Variants in RIPOR3 observed in about 807,000 individuals in gnomAD.
RIPOR3 encodes RIPOR family member 3.
Under a neutral mutation model 114.3 loss-of-function variants are expected in RIPOR3, and 95 were observed. The ratio of observed to expected loss-of-function variants is 0.83; its 90% confidence interval spans 0.70 to 0.99. The LOEUF (loss-of-function observed/expected upper bound fraction) is 0.99, where lower values mean the gene tolerates loss of function less well. Ranked by LOEUF, RIPOR3 falls within the 50% of genes least tolerant of loss-of-function variation. RIPOR3 has a pLI of 0.00. For missense variants in RIPOR3, 1,252 were observed against 1,266.9 expected, an observed-to-expected ratio of 0.99 and a Z score of 0.18; for synonymous variants, 575 against 543.8, an observed-to-expected ratio of 1.06 and a Z score of -0.80.
chr20:50,615,330 C>G (rs1333872157), intron 4 of RIPOR3, among the ~76,000 whole-genome samples: 2 of 151,684 alleles, frequency 1.3e-5, no homozygotes, highest in Non-Finnish European at 1.5e-5. Context: ...TCAAGACCAG[C>G]CTAGGCAACA....
intron 2 of RIPOR3, among the ~76,000 whole-genome samples, chr20:50,623,397 T>A (rs1454230359): frequency 2.0e-5 from 3 of 151,922 alleles, no homozygotes; most frequent in African/African-American, 7.3e-5. Flanking sequence ...CAGAGCGGGA[T>A]AGCGAGTGCA....
chr20:50,587,443 G>T, intron 21 of RIPOR3, 111 bp from the exon 22 acceptor site: 1 of 880,544 alleles, frequency 1.1e-6, no homozygotes, highest in Non-Finnish European at 1.8e-6. Context: ...AGTGGTCTCT[G>T]CAAAGCGGCA....
intron 1 of RIPOR3, among the ~76,000 whole-genome samples, chr20:50,643,930 G>A (rs2085296093): frequency 6.6e-6 from 1 of 151,920 alleles, no homozygotes; most frequent in East Asian, 1.9e-4. Context: ...AGCCAGGATG[G>A]TCTCGATCTC....
At chr20:50,675,442 G>A (rs562977418) in intron 1 of RIPOR3, among the ~76,000 whole-genome samples, 33 of 152,340 alleles carry the variant, frequency 2.2e-4, no homozygotes, top group African/African-American at 6.5e-4. Context: ...ATGTTACAGA[G>A]AGAGTGATCA....
At chr20:50,672,711 T>G (rs1226219240) in intron 1 of RIPOR3, among the ~76,000 whole-genome samples, 1 of 152,174 alleles carries the variant, frequency 6.6e-6, no homozygotes, top group Non-Finnish European at 1.5e-5. Flanking sequence ...GTCAGGAGAA[T>G]GGACTTTCCA....
chr20:50,594,642 A>G lies in RIPOR3; in HGVS notation c.2123T>C (p.Leu708Pro). The G allele has an allele frequency of 1.2e-6, 2 of 1,613,768 alleles. No homozygotes were observed. The highest frequency in any genetic ancestry group is 1.7e-6 in the Non-Finnish European group (2 of 1,179,956). The change falls in exon 17 of 22, where the codon CTG (leucine) becomes CCG (proline). Residue 708 changes from leucine (L) to proline (P), a missense_variant. Coordinates refer to ENST00000327979, the MANE Select transcript of RIPOR3 (RefSeq NM_001290268.2). ...WRGCTGPGRVLSCPATTLLNQ... is the reference protein window; with the variant it reads ...WRGCTGPGRVPSCPATTLLNQ... The stretch of plus-strand genomic sequence containing the variant: ...CAGCAGCGTCGTGGCAGGGCAGGAC[A>G]GGACCCTGCCAGGCCCTGTGCACCC...
chr20:50,599,205 A>T (rs2083408382), intron 13 of RIPOR3, among the ~76,000 whole-genome samples: 1 of 152,156 alleles, frequency 6.6e-6, no homozygotes, highest in African/African-American at 2.4e-5. Flanking sequence ...CAGCCTAGCC[A>T]ACATAGTGAA....
chr20:50,669,601 C>A (rs2086388932), intron 1 of RIPOR3, among the ~76,000 whole-genome samples: 1 of 152,124 alleles, frequency 6.6e-6, no homozygotes, highest in East Asian at 1.9e-4. Flanking sequence ...CCTCTGGGGG[C>A]TTGGGAGGAA....
rs1438262282 is a variant in RIPOR3, at chr20:50,604,756, GCT to G, written c.973_974del (p.Ser325LeufsTer64). The G allele has an allele frequency of 6.2e-7, 1 of 1,608,192 alleles. No homozygotes were observed. The highest frequency in any genetic ancestry group is 8.5e-7 in the Non-Finnish European group (1 of 1,177,956). On this transcript the variant is annotated frameshift_variant, in exon 12 of 22. Coordinates refer to ENST00000327979, the MANE Select transcript of RIPOR3 (RefSeq NM_001290268.2). LOFTEE classifies it high-confidence loss of function. The part of the protein sequence containing the change: ...EVQWNPFDTE[S>X]FLVSPSPTGK... Reference sequence around the variant, plus strand: ...CCGTGGGGCTGGGTGACACCAGGAAGCTCTCAGTATCAAACGGGCTGGAGGAG... The same window carrying G: ...CCGTGGGGCTGGGTGACACCAGGAAGCTCAGTATCAAACGGGCTGGAGGAG...
Position 50,606,021 on chromosome 20 carries a change from T to A in RIPOR3, c.957-1247A>T, listed in dbSNP as rs184996888. ...GAGTTCGAGACCAGCCTGGCCAACA[T>A]GGCGAAACCCCATCTCTCCTAAAAA... On this transcript the variant is annotated intron_variant, in intron 11 of 21. Coordinates refer to ENST00000327979, the MANE Select transcript of RIPOR3 (RefSeq NM_001290268.2). 3.9e-5 allele frequency among the ~76,000 whole-genome samples: 6 copies of A among 152,246 alleles called. No individual in the cohort carries two copies. The East Asian group carries it at 1.2e-3, about 29-fold the overall frequency.
chr20:50,650,449 T>A (rs750919095), intron 1 of RIPOR3, among the ~76,000 whole-genome samples: 1 of 151,998 alleles, frequency 6.6e-6, no homozygotes, highest in Non-Finnish European at 1.5e-5. Flanking sequence ...ACCACAGGTG[T>A]GCACCACCAC....
At chr20:50,588,002 G>T (rs537946504) in intron 20 of RIPOR3, 110 bp from the exon 21 acceptor site, 32 of 982,378 alleles carry the variant, frequency 3.3e-5, no homozygotes, top group Non-Finnish European at 4.6e-5. Flanking sequence ...TGGGGCCTCA[G>T]CCCCTTCCTT....
chr20:50,652,590 C>CAAAA (rs11470456), intron 1 of RIPOR3, among the ~76,000 whole-genome samples: 493 of 86,720 alleles, frequency 5.7e-3, no homozygotes, highest in Non-Finnish European at 8.9e-3. Flanking sequence ...GATTCTGTCT[C>CAAAA]AAAAAAAAAA....
At chr20:50,681,224 C>CAAAAA (rs752151661) in intron 1 of RIPOR3, among the ~76,000 whole-genome samples, 8 of 47,470 alleles carry the variant, frequency 1.7e-4, no homozygotes, top group South Asian at 1.2e-3. Context: ...AACTCTGTCT[C>CAAAAA]AAAAAAAAAA....
At chr20:50,615,533 A>AAT (rs1568864863) in intron 4 of RIPOR3, among the ~76,000 whole-genome samples, 5 of 151,240 alleles carry the variant, frequency 3.3e-5, no homozygotes, top group Non-Finnish European at 7.4e-5. Flanking sequence ...TCAAAAAAAA[A>AAT]AAAAAAAAAA....
chr20:50,613,477 G>GAA (rs2084046074), intron 4 of RIPOR3, among the ~76,000 whole-genome samples: 1 of 151,646 alleles, frequency 6.6e-6, no homozygotes, highest in Non-Finnish European at 1.5e-5. Flanking sequence ...GAAAAGAAAA[G>GAA]AAATAAATAA....
intron 1 of RIPOR3, among the ~76,000 whole-genome samples, chr20:50,635,399 A>C (rs1332233330): frequency 6.6e-6 from 1 of 152,094 alleles, no homozygotes; most frequent in East Asian, 1.9e-4. Flanking sequence ...CACGCCTATA[A>C]TTCCAGCACT....
intron 2 of RIPOR3, among the ~76,000 whole-genome samples, chr20:50,627,155 G>A (rs1014783927): frequency 2.6e-5 from 4 of 151,550 alleles, no homozygotes; most frequent in African/African-American, 9.7e-5. Flanking sequence ...GCACACCTGG[G>A]TGACAGAGCA....
chr20:50,684,918 G>A lies in RIPOR3; in HGVS notation c.3+6208C>T, dbSNP rs370034651. Reference sequence around the variant, plus strand: ...AGTTTCCCGAGTACCTGGGACCACAGGTGCATGCAACCACACCCAGCTAAT... The same window carrying A: ...AGTTTCCCGAGTACCTGGGACCACAAGTGCATGCAACCACACCCAGCTAAT... On this transcript the variant is annotated intron_variant, in intron 1 of 21. Transcript: ENST00000327979. Among the ~76,000 whole-genome samples the A allele has an allele frequency of 2.6e-5, 4 of 152,288 alleles. No homozygotes were observed. The South Asian group carries it at 8.3e-4, about 32-fold the overall frequency.
Sources: gnomAD v4.1 joint callset for allele counts (sites outside exome capture counted in the v4.1 genomes callset) on GRCh38, gnomAD v4.1.1 for gene constraint, MANE v1.5 for transcripts, NCBI Gene and HGNC (gene_info 2026-07-23, HGNC 2026-07-21) for gene names.